GON4L: variants seen among roughly 807,000 people sequenced by gnomAD.
The protein encoded by GON4L is GON-4-like protein.
In GON4L, 87 loss-of-function variants were observed where a neutral mutation model predicts 211.8. The ratio of observed to expected loss-of-function variants is 0.41; its 90% CI spans 0.35 to 0.49. The LOEUF (loss-of-function observed/expected upper bound fraction) is 0.49. Ranked by LOEUF, GON4L falls within the 20% of genes least tolerant of loss-of-function variation. GON4L has a pLI of 0.15. For synonymous variants in GON4L, 875 were observed against 962.6 expected (o/e 0.91, Z 1.68); for missense variants, 2,155 against 2,659.5 (o/e 0.81, Z 4.17).
rs201518903 is a variant in GON4L at position 155,773,095 on chromosome 1, A to G, written c.2466T>C (p.Asp822=). ...CCTCAGCCTTGGTGAAGACGATCTT[A>G]TCCTGGGGATTCTTTGCCTTCAGGG... The part of the protein sequence containing the change: ...VCSLKAKNPQ[D]KIVFTKAEDN... The change falls in exon 18 of 32, where the codon GAT becomes GAC. Residue 822 remains aspartate (D), a synonymous_variant. Coordinates refer to ENST00000368331, the MANE Select transcript of GON4L (RefSeq NM_001282860.2). 18 of 1,612,692 alleles carry G rather than the reference A, an allele frequency of 1.1e-5. No individual in the cohort carries two copies. Among genetic ancestry groups the G allele is most frequent in the Non-Finnish European group, 1.5e-5 (18 of 1,179,906 alleles).
chr1:155,783,933 T>C, intron 14 of GON4L, 53 bp downstream of exon 14: 1 of 1,609,058 alleles, frequency 6.2e-7, no homozygotes, highest in Non-Finnish European at 8.5e-7. Flanking sequence ...GAAAACCTTT[T>C]CAGAAATAAA....
At chr1:155,790,854 G>A (rs1665475769) in intron 12 of GON4L, among the ~76,000 whole-genome samples, 1 of 151,886 alleles carries the variant, frequency 6.6e-6, no homozygotes, top group Admixed American at 6.6e-5. Context: ...TGAGGCAGGA[G>A]ATTCACTTGA....
intron 2 of GON4L, among the ~76,000 whole-genome samples, chr1:155,830,078 G>C (rs1669608634): frequency 1.3e-5 from 2 of 151,912 alleles, no homozygotes; most frequent in African/African-American, 4.8e-5. Flanking sequence ...AGCCTTCCGA[G>C]TAGCTGGGAT....
chr1:155,845,487 T>C, intron 2 of GON4L: 1 of 350,140 alleles, frequency 2.9e-6, no homozygotes, highest in Non-Finnish European at 5.8e-6. Flanking sequence ...ATTCTTCATG[T>C]GCTTTTGCGG....
chr1:155,787,446 C>A (rs1187007615), intron 12 of GON4L, among the ~76,000 whole-genome samples: 1 of 152,142 alleles, frequency 6.6e-6, no homozygotes, highest in Non-Finnish European at 1.5e-5. Context: ...GTGAACAATT[C>A]TATAAAGGCC....
intron 13 of GON4L, 165 bp from the exon 14 acceptor site, chr1:155,784,254 C>A (rs1350379138): frequency 1.1e-6 from 1 of 912,828 alleles, no homozygotes; most frequent in Non-Finnish European, 1.7e-6. Flanking sequence ...CCCACAAACC[C>A]ACACTTGGGA....
chr1:155,780,389 C>T (rs1399304116), intron 14 of GON4L, among the ~76,000 whole-genome samples: 1 of 151,612 alleles, frequency 6.6e-6, no homozygotes, highest in South Asian at 2.1e-4. Flanking sequence ...GTCAGTGGTT[C>T]GAGACTAGCC....
downstream of GON4L, chr1:155,748,484 G>A (rs1443037075): frequency 1.2e-6 from 2 of 1,613,080 alleles, no homozygotes; most frequent in South Asian, 2.2e-5. Context: ...TTCCTCTCCA[G>A]TTTCCATGGT....
chr1:155,764,797 C>A, intron 21 of GON4L: 7 of 1,351,678 alleles, frequency 5.2e-6, no homozygotes, highest in Non-Finnish European at 6.3e-6. Context: ...AATGTGTAAA[C>A]GAGTTTAATA....
intron 12 of GON4L, among the ~76,000 whole-genome samples, chr1:155,790,963 T>C (rs898131249): frequency 7.5e-5 from 11 of 146,044 alleles, no homozygotes; most frequent in Admixed American, 1.4e-4. Flanking sequence ...CAACAAACTA[T>C]AGAAAGTAGG....
At chr1:155,814,580 T>C in intron 8 of GON4L, 131 bp from the exon 9 acceptor site, 2 of 985,996 alleles carry the variant, frequency 2.0e-6, no homozygotes, top group Admixed American at 1.7e-5. Context: ...CACCCGTCTC[T>C]GCTAAAAATA....
At chr1:155,849,338 A>G (rs1390582382) in intron 2 of GON4L, among the ~76,000 whole-genome samples, 2 of 151,828 alleles carry the variant, frequency 1.3e-5, no homozygotes, top group Non-Finnish European at 2.9e-5. Context: ...ACGTTAGGAG[A>G]TCGAGACCAT....
rs183964904 is a variant in GON4L, at chr1:155,782,504, G to A, written c.1892+1482C>T. Among the ~76,000 whole-genome samples, 12 of 152,148 alleles carry A rather than the reference G, an allele frequency of 7.9e-5. No individual in the cohort carries two copies. The East Asian group carries it at 2.1e-3, about 27-fold the overall frequency. ...GTATGCAGTAGGCTAAACCATCTAG[G>A]TTTATCCAAGTGCTTTCTACACAAT... On this transcript the variant is annotated intron_variant, in intron 14 of 31. Coordinates refer to ENST00000368331, the MANE Select transcript of GON4L (RefSeq NM_001282860.2).
At chr1:155,757,374 T>G (rs1661304875) in intron 25 of GON4L, 51 bp from the exon 26 acceptor site, 10 of 1,550,766 alleles carry the variant, frequency 6.4e-6, no homozygotes, top group Non-Finnish European at 8.8e-6. Flanking sequence ...CTCTCTAGGC[T>G]GCCCTTCCCA....
downstream of GON4L, chr1:155,746,985 A>T (rs1239221217): frequency 6.3e-7 from 1 of 1,591,782 alleles, no homozygotes; most frequent in African/African-American, 1.5e-5. Context: ...ATATTTTGGG[A>T]AAAAGCACTC....
At chr1:155,777,256 T>C (rs1663907657) in intron 15 of GON4L, among the ~76,000 whole-genome samples, 1 of 152,172 alleles carries the variant, frequency 6.6e-6, no homozygotes, top group Non-Finnish European at 1.5e-5. Context: ...AAGCTGTTAA[T>C]TTCTGGCCTC....
chr1:155,765,156 A>C lies in GON4L; in HGVS notation c.4317T>G (p.Gly1439=), dbSNP rs140119893. The change falls in exon 21 of 32, where the codon GGT becomes GGG. Residue 1439 remains glycine, a synonymous_variant. Transcript: ENST00000368331. The part of the protein sequence containing the change: ...GKPEDSSSVD[G]QSVGTPVGPE... ...GCCCAACTGGAGTCCCCACTGACTG[A>C]CCATCAACACTGGATGAATCTTCTG... 2.5e-6 allele frequency: 4 copies of C among 1,614,014 alleles called. No homozygotes were observed. The highest frequency in any genetic ancestry group is 3.4e-6 in the Non-Finnish European group (4 of 1,180,012).
chr1:155,826,027 C>G (rs1395559936), intron 3 of GON4L, among the ~76,000 whole-genome samples: 7 of 151,624 alleles, frequency 4.6e-5, no homozygotes, highest in Admixed American at 4.6e-4. Context: ...GCCTGGGCAA[C>G]AAAGCAAGAC....
chr1:155,798,931 A>C (rs1439268216), intron 11 of GON4L, among the ~76,000 whole-genome samples: 2 of 152,056 alleles, frequency 1.3e-5, no homozygotes, highest in Non-Finnish European at 2.9e-5. Flanking sequence ...GATTCTTCTG[A>C]GTTCTGCTTA....
Sources: gnomAD v4.1 joint callset for allele counts (sites outside exome capture counted in the v4.1 genomes callset) on GRCh38, gnomAD v4.1.1 for gene constraint, MANE v1.5 for transcripts, NCBI Gene and HGNC (gene_info 2026-07-23, HGNC 2026-07-21) for gene names.